The following MECR variants were observed in gnomAD, a reference collection of about 807,000 sequenced individuals.
The protein encoded by MECR is enoyl-[acyl-carrier-protein] reductase, mitochondrial.
MECR carries 37 observed loss-of-function variants against 49.1 expected under a neutral mutation model. That is an observed-to-expected ratio of 0.75 (90% CI 0.58 to 0.99). MECR has a LOEUF of 0.99. MECR is among the 50% of genes least tolerant of loss of function. The pLI, the probability that MECR is intolerant of heterozygous loss-of-function variation, is 0.00. For missense variants in MECR, 470 were observed against 479.6 expected, an observed-to-expected ratio of 0.98 and a Z score of 0.19; for synonymous variants, 198 against 191.1, an observed-to-expected ratio of 1.04 and a Z score of -0.30.
chr1:29,191,713 A>G (rs1187585741), downstream of MECR, among the ~76,000 whole-genome samples: 1 of 152,216 alleles, frequency 6.6e-6, no homozygotes, highest in Non-Finnish European at 1.5e-5. Flanking sequence ...CCCAGGCTGA[A>G]GCTGAGTCCT....
chr1:29,200,996 A>T (rs1233356330), intron 6 of MECR, among the ~76,000 whole-genome samples: 1 of 152,042 alleles, frequency 6.6e-6, no homozygotes, highest in East Asian at 1.9e-4. Flanking sequence ...AGGTCTCACT[A>T]TGTTGCTCAG....
chr1:29,226,208 A>G (rs1483352364), intron 1 of MECR, among the ~76,000 whole-genome samples: 3 of 149,476 alleles, frequency 2.0e-5, no homozygotes, highest in Non-Finnish European at 3.0e-5. Flanking sequence ...CAGAACGGGT[A>G]TATGTCCACG....
Position 29,201,960 on chromosome 1 carries a change from T to C in MECR, c.739A>G (p.Met247Val), listed in dbSNP as rs986191656. Residue 247 changes from methionine (M) to valine (V), a missense_variant, in exon 6 of 10, where the codon ATG (methionine) becomes GTG (valine). Coordinates refer to ENST00000263702, the MANE Select transcript of MECR (RefSeq NM_016011.5). This position sits in a 1 kb window ranked among gnomAD's most constrained non-coding sequence, Gnocchi z 4.3. ...CTAGGTACCTTAAAGAAGTTTTTCA[T>C]TTCGGGCCTTCTTAGCTCCTCTTCT... ...ITEEELRRPE[M>V]KNFFKDMPQP... is the part of the protein sequence containing the mutation. 1 of 1,614,130 alleles carries C rather than the reference T, an allele frequency of 6.2e-7. No individual in the cohort carries two copies. The highest frequency in any genetic ancestry group is 8.5e-7 in the Non-Finnish European group (1 of 1,179,964).
chr1:29,205,470 C>A (rs540913530), intron 4 of MECR, among the ~76,000 whole-genome samples: 8 of 151,528 alleles, frequency 5.3e-5, no homozygotes, highest in Non-Finnish European at 1.2e-4. Flanking sequence ...AGGCATGAGA[C>A]ACCATGCCTG....
At position 29,206,879 on chromosome 1, in the gene MECR, T is replaced by C; in HGVS notation, c.433A>G (p.Ser145Gly). Residue 145 changes from serine to glycine, a missense_variant, in exon 4 of 10, where the codon AGC becomes GGC. Physicochemically the swap from Ser to Gly is moderately conservative, Grantham distance 56. Transcript: ENST00000263702. The stretch of plus-strand genomic sequence containing the variant: ...GGAACTTGGATCAGTGCTTCCTCGC[T>C]GAACACAGCCTCGGTCCGCCAGGTT... ...LGTWRTEAVF[S>G]EEALIQVPSD... is the part of the protein sequence containing the mutation. 6.2e-7 allele frequency: 1 copy of C among 1,614,138 alleles called. No homozygotes were observed. The highest frequency in any genetic ancestry group is 8.5e-7 in the Non-Finnish European group (1 of 1,180,014).
intron 9 of MECR, 99 bp from the exon 10 acceptor site, chr1:29,194,278 C>T (rs1673434618): frequency 5.2e-6 from 7 of 1,334,380 alleles, no homozygotes; most frequent in Middle Eastern, 2.7e-4. Context: ...GCACCAAGCT[C>T]CAATAAAGCC....
At chr1:29,198,807 A>C (rs2151851447) in intron 7 of MECR, among the ~76,000 whole-genome samples, 1 of 152,216 alleles carries the variant, frequency 6.6e-6, no homozygotes, top group African/African-American at 2.4e-5. Flanking sequence ...AGTAGAGACG[A>C]GGTTTCACCA....
rs141053889 is a variant in MECR, at chr1:29,215,930, T to G, written c.406+75A>C. The G allele has an allele frequency of 0.011, 18,025 of 1,568,048 alleles. 141 individuals carry two copies. Among genetic ancestry groups the G allele is most frequent in the Middle Eastern group, 0.018 (104 of 5,674 alleles). ...GCATTACCCAGGTACACTCGGCCAA[T>G]CAGTGGATGCCGACAGAGTGGGTGA... On this transcript the variant is annotated intron_variant, in intron 3 of 9. Transcript: ENST00000263702.
chr1:29,196,424 T>C (rs972836232), intron 7 of MECR, among the ~76,000 whole-genome samples, 166 bp from the exon 8 acceptor site: 4 of 152,214 alleles, frequency 2.6e-5, no homozygotes, highest in African/African-American at 9.6e-5. Flanking sequence ...CAGTGGCTCA[T>C]GCCTATAATC....
At chr1:29,205,483 C>T (rs1330220410) in intron 4 of MECR, among the ~76,000 whole-genome samples, 2 of 151,626 alleles carry the variant, frequency 1.3e-5, no homozygotes, top group African/African-American at 4.8e-5. Flanking sequence ...CATGCCTGGC[C>T]TTAAGGGTTA....
intron 7 of MECR, among the ~76,000 whole-genome samples, chr1:29,198,608 C>T (rs1221308001): frequency 6.6e-6 from 1 of 152,040 alleles, no homozygotes; most frequent in African/African-American, 2.4e-5. Context: ...CTCTTTGGGC[C>T]TTGTTTTTTT....
chr1:29,205,380 C>T (rs913108824), intron 4 of MECR, among the ~76,000 whole-genome samples: 1 of 151,550 alleles, frequency 6.6e-6, no homozygotes, highest in African/African-American at 2.4e-5. Flanking sequence ...GACGGGTTTT[C>T]ACCATGTTGG....
chr1:29,215,854 A>T, intron 3 of MECR, 151 bp downstream of exon 3: 1 of 951,238 alleles, frequency 1.1e-6, no homozygotes, highest in Non-Finnish European at 1.5e-6. Flanking sequence ...CTGGGCAATA[A>T]GAGCAAAACT....
In MECR at chr1:29,202,022, T is replaced by TC. The variant is rs779356849; in HGVS notation, c.676dup (p.Asp226GlyfsTer9). On this transcript the variant is annotated frameshift_variant, in exon 6 of 10. Transcript: ENST00000263702. LOFTEE classifies it high-confidence loss of function. ...CTCAGCCCCCAGACTCTTCAGTCTG[T>TC]CACTCAGCTTCTGGATATCAGGTCT... 3.1e-6 allele frequency: 5 copies of TC among 1,614,136 alleles called. No homozygotes were observed. Among genetic ancestry groups the TC allele is most frequent in the Non-Finnish European group, 4.2e-6 (5 of 1,180,008 alleles).
chr1:29,186,325 C>A, the MECR span, among the ~76,000 whole-genome samples: 1 of 152,232 alleles, frequency 6.6e-6, no homozygotes, highest in South Asian at 2.1e-4. Context: ...ACTTCCTCTG[C>A]CTGGAATACA....
rs984966060 is a variant in MECR at position 29,203,339 on chromosome 1, A to G, written c.551-106T>C. The stretch of plus-strand genomic sequence containing the variant: ...GTAGGCAAGGGAGTCCTCAGGCTCA[A>G]CAGGGACCCAGGACCTGGCTGCTGA... On this transcript the variant is annotated intron_variant, in intron 4 of 9. Coordinates refer to ENST00000263702, the MANE Select transcript of MECR (RefSeq NM_016011.5). The G allele has an allele frequency of 5.0e-6, 4 of 794,218 alleles. No individual in the cohort carries two copies. The African/African-American group carries it at 5.3e-5, about 10-fold the overall frequency. The allele number at this position is 794,218 out of a possible 1,614,324, so 49.2% of individuals were successfully genotyped here. A position where few individuals can be genotyped will look rare whatever the true frequency, so the allele number is the denominator to read the frequency against.
chr1:29,230,606 C>A, intron 1 of MECR, 125 bp downstream of exon 1: 1 of 1,274,938 alleles, frequency 7.8e-7, no homozygotes. Flanking sequence ...CCCTGGGCTT[C>A]GGCTTCGGTT....
chr1:29,215,370 G>T (rs1679117642), intron 3 of MECR, among the ~76,000 whole-genome samples: 1 of 152,130 alleles, frequency 6.6e-6, no homozygotes, highest in African/African-American at 2.4e-5. Context: ...CTGAGGTTAG[G>T]AGTTTGAGAC....
the MECR span, among the ~76,000 whole-genome samples, chr1:29,174,209 AAAG>A: frequency 1.6e-4 from 1 of 6,088 alleles, no homozygotes; most frequent in African/African-American, 1.9e-4. Flanking sequence ...AAAAAAGAAA[AAAG>A]AAAAAAAAAA....
Sources: allele counts gnomAD v4.1 joint callset (sites outside exome capture counted in the v4.1 genomes callset), GRCh38; gene constraint gnomAD v4.1.1; non-coding constraint Gnocchi (gnomAD v3.1); transcripts MANE v1.5; gene names NCBI Gene and HGNC (gene_info 2026-07-23, HGNC 2026-07-21).